The following MEP1A variants were observed in gnomAD, a reference collection of about 807,000 sequenced individuals.
MEP1A encodes N-benzoyl-L-tyrosyl-P-amino-benzoic acid hydrolase subunit alpha.
MEP1A carries 68 observed loss-of-function variants against 84.5 expected under a neutral mutation model. The observed-to-expected ratio is 0.80, with a 90% CI of 0.66 to 0.98. The LOEUF is 0.98. Among genes scored for constraint, MEP1A ranks in the 50% least tolerant of loss-of-function variants. The pLI, the probability that MEP1A is intolerant of heterozygous loss-of-function variation, is 0.00. For missense variants in MEP1A, 887 were observed against 919.9 expected (o/e 0.96, Z 0.46); for synonymous variants, 337 against 336.8 (o/e 1.00, Z -0.01).
At chr6:46,830,873 T>A (rs146009357) in intron 10 of MEP1A, among the ~76,000 whole-genome samples, 1,656 of 152,292 alleles carry the variant, frequency 0.011, 37 homozygotes, top group African/African-American at 0.038. Context: ...TAGATACTCT[T>A]TAAGAGTTGA....
chr6:46,796,979 G>T (rs968149134), intron 3 of MEP1A, among the ~76,000 whole-genome samples: 1 of 152,208 alleles, frequency 6.6e-6, no homozygotes, highest in Non-Finnish European at 1.5e-5. Context: ...GTGGTTAATC[G>T]TACTGCTACC....
chr6:46,797,074 T>C (rs1167862602), intron 3 of MEP1A, among the ~76,000 whole-genome samples: 2 of 152,228 alleles, frequency 1.3e-5, no homozygotes, highest in African/African-American at 4.8e-5. Context: ...TAGCCCTAGT[T>C]AGTCACTGGC....
At position 46,825,106 on chromosome 6, in the gene MEP1A, A is replaced by G. The variant is rs9369639; in HGVS notation, c.557-166A>G. On this transcript the variant is annotated intron_variant, in intron 7 of 13. Transcript: ENST00000230588. ...TATTTATAAATTATGTATTTAAATAAATCTATTTAAATATTTATAAATTAT... is the reference window on the plus strand; with the variant it reads ...TATTTATAAATTATGTATTTAAATAGATCTATTTAAATATTTATAAATTAT... Among the ~76,000 whole-genome samples, 8,340 of 82,176 alleles carry G rather than the reference A, an allele frequency of 0.1. 531 individuals are homozygous for G. The highest frequency in any genetic ancestry group is 0.18 in the African/African-American group (2,761 of 15,430). The allele number at this position is 82,176 out of a possible 152,430, so 53.9% of individuals were successfully genotyped here.
chr6:46,838,044 A>G (rs920212740), intron 13 of MEP1A, among the ~76,000 whole-genome samples: 1 of 150,280 alleles, frequency 6.7e-6, no homozygotes, highest in African/African-American at 2.5e-5. Flanking sequence ...GGTGCCCACC[A>G]CCATGTCTGG....
intron 10 of MEP1A, among the ~76,000 whole-genome samples, chr6:46,831,888 G>C (rs750518358): frequency 2.0e-5 from 3 of 152,112 alleles, no homozygotes; most frequent in African/African-American, 4.8e-5. Context: ...AGAGGTGGTC[G>C]TGTGCCTTCT....
chr6:46,824,840 A>T (rs1767879007), intron 7 of MEP1A, among the ~76,000 whole-genome samples: 1 of 76,488 alleles, frequency 1.3e-5, no homozygotes, highest in African/African-American at 6.3e-5. Flanking sequence ...AAATATATAT[A>T]AATTATATAT....
chr6:46,841,699 G>T (rs1415841372), downstream of MEP1A, among the ~76,000 whole-genome samples: 1 of 152,130 alleles, frequency 6.6e-6, no homozygotes, highest in Non-Finnish European at 1.5e-5. Flanking sequence ...ATCCCCATCT[G>T]CATCCTTTCC....
At chr6:46,826,708 G>A (rs987582985) in intron 9 of MEP1A, among the ~76,000 whole-genome samples, 1 of 152,152 alleles carries the variant, frequency 6.6e-6, no homozygotes, top group Non-Finnish European at 1.5e-5. Flanking sequence ...ATGCATTTAA[G>A]CAAAACTGAT....
At chr6:46,802,152 C>G (rs1767209479) in intron 5 of MEP1A, among the ~76,000 whole-genome samples, 1 of 151,840 alleles carries the variant, frequency 6.6e-6, no homozygotes, top group Admixed American at 6.6e-5. Flanking sequence ...TGTGTTGATT[C>G]TGTACATAAA....
chr6:46,812,030 AGT>A (rs1425329734), intron 6 of MEP1A, among the ~76,000 whole-genome samples: 1 of 152,094 alleles, frequency 6.6e-6, no homozygotes, highest in African/African-American at 2.4e-5. Context: ...CTTTTGGAAT[AGT>A]GTCACTAGGA....
chr6:46,820,872 A>G (rs1370278136), intron 7 of MEP1A, among the ~76,000 whole-genome samples: 1 of 152,182 alleles, frequency 6.6e-6, no homozygotes, highest in Non-Finnish European at 1.5e-5. Flanking sequence ...TGGCAGTAAG[A>G]GATTAATGAA....
downstream of MEP1A, among the ~76,000 whole-genome samples, chr6:46,842,249 G>A (rs1465729676): frequency 6.6e-6 from 1 of 152,122 alleles, no homozygotes; most frequent in Non-Finnish European, 1.5e-5. Context: ...GAATAACAGC[G>A]ATTTTCAGGG....
chr6:46,794,025 G>A (rs529450134), intron 3 of MEP1A, among the ~76,000 whole-genome samples: 5 of 152,034 alleles, frequency 3.3e-5, no homozygotes, highest in African/African-American at 9.7e-5. Flanking sequence ...TAATTATTCC[G>A]ATTGTTAAAG....
intron 9 of MEP1A, among the ~76,000 whole-genome samples, chr6:46,827,850 T>C (rs543448487): frequency 6.6e-6 from 1 of 152,328 alleles, no homozygotes; most frequent in African/African-American, 2.4e-5. Context: ...GTGATCTTTA[T>C]TGTGAGCGGA....
At chr6:46,821,984 G>C (rs1767788062) in intron 7 of MEP1A, among the ~76,000 whole-genome samples, 1 of 152,152 alleles carries the variant, frequency 6.6e-6, no homozygotes, top group Non-Finnish European at 1.5e-5. Flanking sequence ...CAAGCTTTCT[G>C]TTTAACTTAA....
chr6:46,833,466 C>T lies in MEP1A; in HGVS notation c.1537C>T (p.Gln513Ter), dbSNP rs770491991. Reference protein sequence around the residue: ...NRQVIITILDQEPDVRNRMSS... With the variant: ...NRQVIITILD ...ACAGGTGATAATTACCATCCTTGAC[C>T]AGGAGCCTGATGTCCGGAACAGGAT... Residue 513 changes from glutamine to a stop codon, truncating the protein, a stop_gained, in exon 11 of 14, where the codon CAG (glutamine) becomes TAG (stop). Coordinates refer to ENST00000230588, the MANE Select transcript of MEP1A (RefSeq NM_005588.3). LOFTEE classifies it high-confidence loss of function. The T allele has an allele frequency of 6.2e-6, 10 of 1,614,134 alleles. No individual in the cohort carries two copies. Among genetic ancestry groups the T allele is most frequent in the Non-Finnish European group, 8.5e-6 (10 of 1,180,028 alleles).
intron 5 of MEP1A, among the ~76,000 whole-genome samples, chr6:46,803,287 A>G (rs979941953): frequency 2.0e-5 from 3 of 151,510 alleles, no homozygotes; most frequent in Admixed American, 1.3e-4. Context: ...ATTAAATTGT[A>G]TTTTTCAGTA....
At chr6:46,796,040 A>G (rs978596035) in intron 3 of MEP1A, among the ~76,000 whole-genome samples, 2 of 151,872 alleles carry the variant, frequency 1.3e-5, no homozygotes, top group Non-Finnish European at 2.9e-5. Context: ...TCCCCTTCCT[A>G]CTTGAGCTTT....
At chr6:46,843,308 G>T (rs1768364575), downstream of MEP1A, among the ~76,000 whole-genome samples, 1 of 152,158 alleles carries the variant, frequency 6.6e-6, no homozygotes, top group Non-Finnish European at 1.5e-5. Context: ...AGGAATCACT[G>T]CTCTAGTTGG....
Sources: gnomAD v4.1 joint callset for allele counts (sites outside exome capture counted in the v4.1 genomes callset) on GRCh38, gnomAD v4.1.1 for gene constraint, MANE v1.5 for transcripts, NCBI Gene and HGNC (gene_info 2026-07-23, HGNC 2026-07-21) for gene names.